ATP8B3: variants seen among roughly 807,000 people sequenced by gnomAD.
ATP8B3 encodes ATPase phospholipid transporting 8B3.
In ATP8B3, 141 loss-of-function variants were observed where a neutral mutation model predicts 140.9. The ratio of observed to expected loss-of-function variants is 1.00; its 90% confidence interval spans 0.87 to 1.15. ATP8B3 has a LOEUF of 1.15. Among genes scored for constraint, ATP8B3 ranks in the 50% most tolerant of loss-of-function variants. The pLI, the probability that ATP8B3 is intolerant of heterozygous loss-of-function variation, is 0.00. For synonymous variants in ATP8B3, 765 were observed against 714.6 expected, an observed-to-expected ratio of 1.07 and a Z score of -1.13; for missense variants, 1,874 against 1,740.6, an observed-to-expected ratio of 1.08 and a Z score of -1.36.
rs199632977 is a variant in ATP8B3 at position 1,790,738 on chromosome 19, C to G, written c.2378+19G>C. ...CCTCCCCACTCCCCTTGCTCACCCC[C>G]CAACTCCCCACTTCTTACCTAATCT... On this transcript the variant is annotated intron_variant, in intron 21 of 28. Transcript: ENST00000310127. 6.9e-6 allele frequency: 11 copies of G among 1,584,566 alleles called. 1 individual carries two copies. In the South Asian group the frequency reaches 9.2e-5, roughly 13 times the overall value.
chr19:1,804,519 A>C (rs1425766491), intron 10 of ATP8B3, among the ~76,000 whole-genome samples: 1 of 152,130 alleles, frequency 6.6e-6, no homozygotes, highest in Non-Finnish European at 1.5e-5. Context: ...GAGGCAGGAG[A>C]ATGGCGTGAA....
At chr19:1,803,896 CAAAAAAA>C (rs56937286) in intron 10 of ATP8B3, among the ~76,000 whole-genome samples, 16 of 72,424 alleles carry the variant, frequency 2.2e-4, no homozygotes, top group Non-Finnish European at 2.8e-4. Flanking sequence ...GACTCTGTCT[CAAAAAAA>C]AAAAAAAAAA....
Position 1,787,140 on chromosome 19 carries a change from C to CT in ATP8B3, c.3115dup (p.Ser1039LysfsTer12). 2 of 1,610,566 alleles carry CT rather than the reference C, an allele frequency of 1.2e-6. No homozygotes were observed. The highest frequency in any genetic ancestry group is 1.7e-6 in the Non-Finnish European group (2 of 1,178,358). On this transcript the variant is annotated frameshift_variant, in exon 25 of 29. Coordinates refer to ENST00000310127, the MANE Select transcript of ATP8B3 (RefSeq NM_138813.4). LOFTEE classifies it high-confidence loss of function. ...CCCAATGTAGAGAACTGGCAGGGTGCTGTACAGGAGGTTGAAAAGAGCCAG... is the reference window on the plus strand; with the variant it reads ...CCCAATGTAGAGAACTGGCAGGGTGCTTGTACAGGAGGTTGAAAAGAGCCAG...
At position 1,799,910 on chromosome 19, in the gene ATP8B3, G is replaced by A. The variant is rs373288234; in HGVS notation, c.1552+37C>T. On this transcript the variant is annotated intron_variant, in intron 14 of 28. Transcript: ENST00000310127. Reference sequence around the variant, plus strand: ...AGGCACCCTGAGCCCCTTGAAGATCGAGGACCCAGCTGGGAGCTCAGGTGT... The same window carrying A: ...AGGCACCCTGAGCCCCTTGAAGATCAAGGACCCAGCTGGGAGCTCAGGTGT... 2.3e-5 allele frequency: 36 copies of A among 1,549,190 alleles called. No individual in the cohort carries two copies. In the African/African-American group the frequency reaches 2.6e-4, roughly 11 times the overall value.
In ATP8B3 at chr19:1,789,746, G is replaced by A. The variant is rs779737334; in HGVS notation, c.2479-19C>T. The A allele has an allele frequency of 2.6e-6, 4 of 1,542,942 alleles. No homozygotes were observed. Among genetic ancestry groups the A allele is most frequent in the African/African-American group, 1.4e-5 (1 of 73,358 alleles). On this transcript the variant is annotated intron_variant, in intron 22 of 28. Coordinates refer to ENST00000310127, the MANE Select transcript of ATP8B3 (RefSeq NM_138813.4). ...GTTTGTCCTGGCCGGCGGGGAGGGG[G>A]CTGTGCCAGGCGCCGTGGCCTCCAG...
At position 1,809,143 on chromosome 19, in the gene ATP8B3, C is replaced by CG. The variant is rs1241229616; in HGVS notation, c.402+499_402+500insC. Among the ~76,000 whole-genome samples the CG allele has an allele frequency of 4.0e-4, 61 of 151,950 alleles. 1 individual carries two copies. Among genetic ancestry groups the CG allele is most frequent in the Middle Eastern group, 3.4e-3 (1 of 294 alleles). On this transcript the variant is annotated intron_variant, in intron 4 of 28. Transcript: ENST00000310127. ...GAGCCGAGATCTCGCCACTGCATTC[C>CG]AGCCTGGGCGACAGAGCGAGACTCC...
intron 24 of ATP8B3, 56 bp downstream of exon 24, chr19:1,788,841 G>A (rs1396239585): frequency 6.1e-6 from 9 of 1,469,268 alleles, no homozygotes; most frequent in Non-Finnish European, 8.3e-6. Flanking sequence ...AGCTATGGGA[G>A]GGGCAGGGCA....
chr19:1,788,009 G>A (rs933422130), intron 24 of ATP8B3, among the ~76,000 whole-genome samples: 4 of 151,154 alleles, frequency 2.6e-5, no homozygotes, highest in African/African-American at 7.3e-5. Flanking sequence ...GCCACTGCAC[G>A]ACAGCCTGGG....
At chr19:1,810,735 G>C in intron 2 of ATP8B3, 52 bp from the exon 3 acceptor site, 1 of 1,555,644 alleles carries the variant, frequency 6.4e-7, no homozygotes, top group Admixed American at 1.8e-5. Flanking sequence ...CCCTTGCTGG[G>C]CACCACTCGG....
At chr19:1,801,801 A>C (rs1242143567) in intron 12 of ATP8B3, among the ~76,000 whole-genome samples, 155 bp downstream of exon 12, 1 of 152,072 alleles carries the variant, frequency 6.6e-6, no homozygotes, top group Non-Finnish European at 1.5e-5. Context: ...ACTTTTTAAA[A>C]AATTACTTTA....
In ATP8B3 at chr19:1,806,326, T is replaced by C. The variant is rs1482981777; in HGVS notation, c.678-157A>G. 2.0e-6 allele frequency: 3 copies of C among 1,466,628 alleles called. No homozygotes were observed. In the African/African-American group the frequency reaches 4.3e-5, roughly 21 times the overall value. The allele number at this position is 1,466,628 out of a possible 1,614,324, so 90.9% of individuals were successfully genotyped here. A position where few individuals can be genotyped will look rare whatever the true frequency, so the allele number is the denominator to read the frequency against. On this transcript the variant is annotated intron_variant, in intron 7 of 28. Transcript: ENST00000310127. This position sits in a 1 kb window ranked among gnomAD's most constrained non-coding sequence, Gnocchi z 5.6. ...AGCCTTCCCCGGGCTCCCACCCCAC[T>C]CCCCGCGGGTCCACGCTCCCACCCA...
chr19:1,796,467 C>T (rs910089200), intron 16 of ATP8B3, among the ~76,000 whole-genome samples: 13 of 152,350 alleles, frequency 8.5e-5, no homozygotes, highest in African/African-American at 2.2e-4. Flanking sequence ...GGGCTCCGAC[C>T]GCAGGCCTGG....
Position 1,782,874 on chromosome 19 carries a change from TG to T in ATP8B3, c.*153del. ...CTGTTGCTGCTGGTGAGCACATATTTGGGGAGGGCAGGTTGGTTTTCTGGAT... is the reference window on the plus strand; with the variant it reads ...CTGTTGCTGCTGGTGAGCACATATTTGGGAGGGCAGGTTGGTTTTCTGGAT... On this transcript the variant is annotated 3_prime_UTR_variant, in exon 29 of 29. Transcript: ENST00000310127. 2 of 961,384 alleles carry T rather than the reference TG, an allele frequency of 2.1e-6. No individual in the cohort carries two copies. The highest frequency in any genetic ancestry group is 1.5e-6 in the Non-Finnish European group (1 of 658,132). 59.6% of individuals were successfully genotyped at this position (961,384 alleles called of 1,614,324 possible).
chr19:1,782,687 A>G lies in ATP8B3; in HGVS notation c.*341T>C, dbSNP rs1600376590. 3.3e-6 allele frequency: 1 copy of G among 300,636 alleles called. No individual in the cohort carries two copies. The highest frequency in any genetic ancestry group is 7.6e-5 in the East Asian group (1 of 13,144). The allele number at this position is 300,636 out of a possible 1,614,324, so 18.6% of individuals were successfully genotyped here. On this transcript the variant is annotated 3_prime_UTR_variant, in exon 29 of 29. Coordinates refer to ENST00000310127, the MANE Select transcript of ATP8B3 (RefSeq NM_138813.4). ...CCCCAGAGGCTGTGGCTGGCTCTCA[A>G]ATGACGACAGCTGGCTTTCTCTGTG... is the stretch of plus-strand genomic sequence containing the variant.
chr19:1,793,405 T>C (rs2068575565), intron 18 of ATP8B3, among the ~76,000 whole-genome samples: 1 of 152,250 alleles, frequency 6.6e-6, no homozygotes, highest in South Asian at 2.1e-4. Flanking sequence ...CTGGCCTGCA[T>C]GGCGAATTCT....
At chr19:1,796,452 T>TCC (rs1365440471) in intron 16 of ATP8B3, among the ~76,000 whole-genome samples, 187 bp from the exon 17 acceptor site, 1 of 152,156 alleles carries the variant, frequency 6.6e-6, no homozygotes, top group Non-Finnish European at 1.5e-5. Context: ...CAACAACAGA[T>TCC]CCTCGGGCTC....
chr19:1,804,826 G>A (rs2068963221), intron 10 of ATP8B3, among the ~76,000 whole-genome samples: 2 of 152,164 alleles, frequency 1.3e-5, no homozygotes, highest in South Asian at 4.1e-4. Context: ...AAAAGAAAAA[G>A]AAACAGCCAA....
At chr19:1,791,491 G>A (rs1015835599) in intron 20 of ATP8B3, among the ~76,000 whole-genome samples, 2 of 151,746 alleles carry the variant, frequency 1.3e-5, no homozygotes, top group South Asian at 2.1e-4. Flanking sequence ...AGGTTCAAGC[G>A]ATTCTCCTGC....
rs181913412 is a variant in ATP8B3, at chr19:1,794,734, C to G, written c.2055+1141G>C. Among the ~76,000 whole-genome samples the G allele has an allele frequency of 1.1e-3, 166 of 152,224 alleles. No individual in the cohort carries two copies. Among genetic ancestry groups the G allele is most frequent in the African/African-American group, 3.9e-3 (163 of 41,554 alleles). ...CATGTGCAAAGGTGCCAAGGCAGCA[C>G]CTGAGAGTGGGGAAGTCACAAGCCA... On this transcript the variant is annotated intron_variant, in intron 18 of 28. Coordinates refer to ENST00000310127, the MANE Select transcript of ATP8B3 (RefSeq NM_138813.4). The surrounding 1 kb of genome is among the most constrained non-coding windows in gnomAD (Gnocchi z 4.8).
Sources: allele counts gnomAD v4.1 joint callset (sites outside exome capture counted in the v4.1 genomes callset), GRCh38; gene constraint gnomAD v4.1.1; non-coding constraint Gnocchi (gnomAD v3.1); transcripts MANE v1.5; gene names NCBI Gene and HGNC (gene_info 2026-07-23, HGNC 2026-07-21).